The following SEMA3C variants were observed in gnomAD, a reference collection of about 807,000 sequenced individuals.
SEMA3C encodes the protein semaphorin 3C, also known as semaphorin-3C.
A neutral mutation model predicts 89.4 loss-of-function variants in SEMA3C; 47 were observed. The observed-to-expected ratio is 0.53, with a 90% CI of 0.42 to 0.67. The LOEUF (loss-of-function observed/expected upper bound fraction) is 0.67. SEMA3C is among the 30% of genes least tolerant of loss of function. The pLI, the probability that SEMA3C is intolerant of heterozygous loss-of-function variation, is 0.00. For missense variants in SEMA3C, 839 were observed against 929.1 expected (o/e 0.90, Z 1.26); for synonymous variants, 310 against 320.2 (o/e 0.97, Z 0.34).
intron 15 of SEMA3C, among the ~76,000 whole-genome samples, chr7:80,751,607 T>C (rs1195081817): frequency 6.6e-6 from 1 of 152,182 alleles, no homozygotes; most frequent in East Asian, 1.9e-4. Flanking sequence ...GCTGCATGCA[T>C]ATCCTGAGTA....
chr7:80,894,468 G>T (rs548952336), intron 2 of SEMA3C, among the ~76,000 whole-genome samples: 1 of 151,924 alleles, frequency 6.6e-6, no homozygotes, highest in Non-Finnish European at 1.5e-5. Flanking sequence ...AGCACTCATA[G>T]CCACATGTTT....
intron 15 of SEMA3C, among the ~76,000 whole-genome samples, 171 bp from the exon 16 acceptor site, chr7:80,751,507 T>G (rs900842084): frequency 6.8e-6 from 1 of 146,102 alleles, no homozygotes; most frequent in Non-Finnish European, 1.5e-5. Context: ...ATACAATTTA[T>G]CAATAATGAG....
intron 2 of SEMA3C, among the ~76,000 whole-genome samples, chr7:80,853,144 G>C (rs11764824): frequency 6.6e-6 from 1 of 151,998 alleles, no homozygotes; most frequent in African/African-American, 2.4e-5. Context: ...GATGTGGAGA[G>C]GGAATCTTTC....
chr7:80,905,517 A>G (rs1791993440), intron 2 of SEMA3C, among the ~76,000 whole-genome samples: 1 of 152,130 alleles, frequency 6.6e-6, no homozygotes, highest in African/African-American at 2.4e-5. Flanking sequence ...TTGGAGGTAA[A>G]GAAAACAAAA....
At chr7:80,871,318 TA>T (rs1338483807) in intron 2 of SEMA3C, among the ~76,000 whole-genome samples, 1 of 152,210 alleles carries the variant, frequency 6.6e-6, no homozygotes, top group African/African-American at 2.4e-5. Context: ...TTAATCCTGT[TA>T]CTTCCTTGCC....
In SEMA3C at chr7:80,790,488, C is replaced by T. The variant is rs57241566; in HGVS notation, c.1132-960G>A. On this transcript the variant is annotated intron_variant, in intron 11 of 17. Transcript: ENST00000265361. ...ATAAAATACCAACACCTTAGAATGG[C>T]CTACAGGCCTCTGCATGATCTGGCC... 8.5e-4 allele frequency among the ~76,000 whole-genome samples: 129 copies of T among 152,280 alleles called. 1 individual carries two copies. The highest frequency in any genetic ancestry group is 3.0e-3 in the African/African-American group (125 of 41,550).
intron 2 of SEMA3C, among the ~76,000 whole-genome samples, chr7:80,871,928 TAATATA>T (rs1196089561): frequency 6.6e-6 from 1 of 152,126 alleles, no homozygotes; most frequent in Admixed American, 6.5e-5. Flanking sequence ...CATTACATAG[TAATATA>T]AATATAAAAA....
intron 7 of SEMA3C, among the ~76,000 whole-genome samples, chr7:80,804,839 G>A (rs1400451995): frequency 6.6e-6 from 1 of 152,104 alleles, no homozygotes; most frequent in African/African-American, 2.4e-5. Flanking sequence ...TCTTGTGCTG[G>A]CCTATCAGCG....
At chr7:80,912,324 G>C (rs1792171854) in intron 2 of SEMA3C, among the ~76,000 whole-genome samples, 1 of 151,998 alleles carries the variant, frequency 6.6e-6, no homozygotes, top group African/African-American at 2.4e-5. Context: ...ATTTTATTTT[G>C]ATTACCAGAG....
chr7:80,874,469 T>TATTTATTTATTC (rs1562918075), intron 2 of SEMA3C, among the ~76,000 whole-genome samples: 3 of 151,468 alleles, frequency 2.0e-5, no homozygotes, highest in Non-Finnish European at 4.4e-5. Flanking sequence ...TTTATTTATT[T>TATTTATTTATTC]ATTTATTTAT....
chr7:80,813,176 A>T (rs1789512046), intron 5 of SEMA3C, among the ~76,000 whole-genome samples: 1 of 152,060 alleles, frequency 6.6e-6, no homozygotes, highest in Non-Finnish European at 1.5e-5. Flanking sequence ...GATTCCTTGA[A>T]TGTATGACTT....
chr7:80,861,807 T>C (rs950581800), intron 2 of SEMA3C, among the ~76,000 whole-genome samples: 2 of 152,196 alleles, frequency 1.3e-5, no homozygotes, highest in African/African-American at 4.8e-5. Flanking sequence ...TCAATAAATG[T>C]GATACATCAC....
intron 4 of SEMA3C, among the ~76,000 whole-genome samples, chr7:80,820,230 T>C (rs1449197736): frequency 6.6e-6 from 1 of 151,826 alleles, no homozygotes; most frequent in African/African-American, 2.4e-5. Flanking sequence ...GCTAATTTTT[T>C]TTTGTATTTT....
intron 4 of SEMA3C, among the ~76,000 whole-genome samples, chr7:80,821,764 T>C (rs17154505): frequency 0.044 from 6,672 of 152,234 alleles, 373 homozygotes; most frequent in East Asian, 0.25. Flanking sequence ...AATTTATCAA[T>C]ACTCCATTTT....
intron 11 of SEMA3C, among the ~76,000 whole-genome samples, 188 bp downstream of exon 11, chr7:80,797,904 A>C (rs964646761): frequency 2.6e-5 from 4 of 152,118 alleles, no homozygotes; most frequent in African/African-American, 4.8e-5. Flanking sequence ...AGGCTGAGGC[A>C]GGAGAATCGC....
At chr7:80,908,046 T>A (rs1414184296) in intron 2 of SEMA3C, among the ~76,000 whole-genome samples, 1 of 152,158 alleles carries the variant, frequency 6.6e-6, no homozygotes, top group Non-Finnish European at 1.5e-5. Flanking sequence ...GCCAATTTTA[T>A]AACCACTTTG....
chr7:80,791,337 C>T (rs1419018520), intron 11 of SEMA3C, among the ~76,000 whole-genome samples: 1 of 152,122 alleles, frequency 6.6e-6, no homozygotes, highest in Non-Finnish European at 1.5e-5. Context: ...TACATACAAA[C>T]ATTATTACTA....
intron 2 of SEMA3C, among the ~76,000 whole-genome samples, chr7:80,912,948 G>A (rs73141847): frequency 2.2e-4 from 34 of 152,244 alleles, no homozygotes; most frequent in Non-Finnish European, 4.0e-4. Flanking sequence ...TAGTTCATTA[G>A]TTCACAGGGA....
chr7:80,905,555 C>T (rs1314000584), intron 2 of SEMA3C, among the ~76,000 whole-genome samples: 3 of 151,990 alleles, frequency 2.0e-5, no homozygotes, highest in African/African-American at 7.3e-5. Context: ...CCCCAGAGGC[C>T]GGGAGACTCC....
Sources: gnomAD v4.1 joint callset for allele counts (sites outside exome capture counted in the v4.1 genomes callset) on GRCh38, gnomAD v4.1.1 for gene constraint, MANE v1.5 for transcripts, NCBI Gene and HGNC (gene_info 2026-07-23, HGNC 2026-07-21) for gene names.